The following TMEM39B variants were observed in gnomAD, a reference collection of about 807,000 sequenced individuals.
The protein encoded by TMEM39B is transmembrane protein 39B.
A neutral mutation model predicts 52.2 loss-of-function variants in TMEM39B; 23 were observed. The ratio of observed to expected loss-of-function variants is 0.44; its 90% CI spans 0.32 to 0.62. The LOEUF is 0.62. Among genes scored for constraint, TMEM39B ranks in the 20% least tolerant of loss-of-function variants. TMEM39B has a pLI of 0.06. For synonymous variants in TMEM39B, 285 were observed against 264.0 expected, an observed-to-expected ratio of 1.08 and a Z score of -0.77; for missense variants, 547 against 642.0, an observed-to-expected ratio of 0.85 and a Z score of 1.60.
intron 1 of TMEM39B, 63 bp from the exon 2 acceptor site, chr1:32,074,888 A>G: frequency 6.7e-7 from 1 of 1,495,064 alleles, no homozygotes; most frequent in Non-Finnish European, 9.0e-7. Flanking sequence ...AGCTGGTATC[A>G]TTGCTGTTAT....
At chr1:32,091,130 G>GT (rs1412967919) in intron 5 of TMEM39B, among the ~76,000 whole-genome samples, 4 of 152,116 alleles carry the variant, frequency 2.6e-5, no homozygotes, top group Non-Finnish European at 5.9e-5. Context: ...GATTTGTTGA[G>GT]TAGGTGCCTT....
At chr1:32,084,054 C>G (rs1640233772) in intron 5 of TMEM39B, among the ~76,000 whole-genome samples, 1 of 151,928 alleles carries the variant, frequency 6.6e-6, no homozygotes, top group South Asian at 2.1e-4. Context: ...TTCTTACATT[C>G]TATCAGTTAC....
At chr1:32,092,701 G>T (rs1237153748) in intron 6 of TMEM39B, among the ~76,000 whole-genome samples, 2 of 152,016 alleles carry the variant, frequency 1.3e-5, no homozygotes, top group Non-Finnish European at 2.9e-5. Context: ...ATGTTGGCCA[G>T]TCTGGTCTCA....
intron 3 of TMEM39B, 96 bp downstream of exon 3, chr1:32,075,918 A>G: frequency 1.3e-6 from 1 of 799,788 alleles, no homozygotes; most frequent in Admixed American, 2.7e-5. Flanking sequence ...AGCATATCCT[A>G]CTAAGCACCA....
chr1:32,081,158 A>G (rs1640078176), intron 5 of TMEM39B, among the ~76,000 whole-genome samples: 1 of 151,878 alleles, frequency 6.6e-6, no homozygotes, highest in South Asian at 2.1e-4. Context: ...CCACTCTTCA[A>G]TAGCAGTCTC....
chr1:32,075,867 T>C (rs937262471), intron 3 of TMEM39B, 45 bp downstream of exon 3: 51 of 1,007,600 alleles, frequency 5.1e-5, no homozygotes, highest in South Asian at 1.5e-4. Context: ...TGTGTGTGCG[T>C]GTGTGTGTAT....
chr1:32,080,491 C>T (rs1408438204), intron 5 of TMEM39B, among the ~76,000 whole-genome samples: 5 of 151,192 alleles, frequency 3.3e-5, no homozygotes, highest in Non-Finnish European at 7.4e-5. Flanking sequence ...CAGTGAAACC[C>T]CGTCTCTACT....
chr1:32,074,562 AAGAT>A (rs2124420080), intron 1 of TMEM39B, among the ~76,000 whole-genome samples: 1 of 152,348 alleles, frequency 6.6e-6, no homozygotes, highest in Non-Finnish European at 1.5e-5. Context: ...ACAAATGAGT[AAGAT>A]AATTTCAGAG....
chr1:32,094,923 G>T lies in TMEM39B; in HGVS notation c.1067G>T (p.Cys356Phe). 1 of 1,613,886 alleles carries T rather than the reference G, an allele frequency of 6.2e-7. No homozygotes were observed. ...LLHKAAAHLG[C>F]WQKVDPALCS... Reference sequence around the variant, plus strand: ...CACAAGGCCGCCGCCCATCTGGGCTGTTGGCAGAAGGTGGACCCAGCGCTG... The same window carrying T: ...CACAAGGCCGCCGCCCATCTGGGCTTTTGGCAGAAGGTGGACCCAGCGCTG... Residue 356 changes from cysteine (C) to phenylalanine (F), a missense_variant, in exon 7 of 9, where the codon TGT (cysteine) becomes TTT (phenylalanine). Cys to Phe is a radical substitution (Grantham distance 205). Transcript: ENST00000336294.
chr1:32,098,803 G>A (rs1222713313), intron 7 of TMEM39B, among the ~76,000 whole-genome samples: 1 of 152,160 alleles, frequency 6.6e-6, no homozygotes, highest in Non-Finnish European at 1.5e-5. Flanking sequence ...GCCTCTCTGT[G>A]CCAGGCCTTG....
At chr1:32,084,663 G>A (rs1324138174) in intron 5 of TMEM39B, among the ~76,000 whole-genome samples, 2 of 151,888 alleles carry the variant, frequency 1.3e-5, no homozygotes, top group Admixed American at 6.6e-5. Flanking sequence ...TCCGCCTCCC[G>A]AGTTCAAGTG....
chr1:32,084,105 C>T (rs1640235218), intron 5 of TMEM39B, among the ~76,000 whole-genome samples: 1 of 152,148 alleles, frequency 6.6e-6, no homozygotes, highest in African/African-American at 2.4e-5. Flanking sequence ...ATGTTTACAC[C>T]ATAGCTTTCT....
At chr1:32,084,121 G>A (rs542808821) in intron 5 of TMEM39B, among the ~76,000 whole-genome samples, 4 of 152,198 alleles carry the variant, frequency 2.6e-5, no homozygotes, top group Admixed American at 2.6e-4. Context: ...TTTCTTATAT[G>A]GCTTTTTATT....
rs1168172150 is a variant in TMEM39B, at chr1:32,077,084, G to C, written c.436-80G>C. ...CACCTCTCCCTGGGTGGGATCACAGGTCATGCTGGGTGGGATTTGGGCACA... is the reference window on the plus strand; with the variant it reads ...CACCTCTCCCTGGGTGGGATCACAGCTCATGCTGGGTGGGATTTGGGCACA... On this transcript the variant is annotated intron_variant, in intron 4 of 8. Transcript: ENST00000336294. The C allele has an allele frequency of 2.5e-6, 4 of 1,575,864 alleles. No individual in the cohort carries two copies. The East Asian group carries it at 9.0e-5, about 35-fold the overall frequency.
chr1:32,092,463 C>T (rs933497293), intron 6 of TMEM39B, among the ~76,000 whole-genome samples: 5 of 151,992 alleles, frequency 3.3e-5, no homozygotes, highest in Admixed American at 6.6e-5. Context: ...CAGCCTGTGT[C>T]CATTTTATTT....
At chr1:32,077,423 A>G in intron 5 of TMEM39B, 105 bp downstream of exon 5, 1 of 1,369,180 alleles carries the variant, frequency 7.3e-7, no homozygotes, top group South Asian at 1.3e-5. Flanking sequence ...GATCGGAGGC[A>G]GGCAGCAACA....
chr1:32,090,542 C>G (rs1005795757), intron 5 of TMEM39B, among the ~76,000 whole-genome samples: 3 of 152,130 alleles, frequency 2.0e-5, no homozygotes, highest in African/African-American at 7.2e-5. Flanking sequence ...CCTCAACCTC[C>G]TAGGTTCAGG....
At chr1:32,100,390 C>G (rs556550552) in intron 7 of TMEM39B, 52 bp from the exon 8 acceptor site, 4 of 1,510,944 alleles carry the variant, frequency 2.6e-6, no homozygotes, top group Non-Finnish European at 3.5e-6. Context: ...CTTCTGGTAT[C>G]CCTTTTGTGG....
chr1:32,087,679 G>C (rs1429101789), intron 5 of TMEM39B: 1 of 139,476 alleles, frequency 7.2e-6, no homozygotes, highest in East Asian at 2.2e-4. Context: ...TTTTTGAGAC[G>C]GAGTCTGTCA....
Sources: gnomAD v4.1 joint callset for allele counts (sites outside exome capture counted in the v4.1 genomes callset) on GRCh38, gnomAD v4.1.1 for gene constraint, MANE v1.5 for transcripts, NCBI Gene and HGNC (gene_info 2026-07-23, HGNC 2026-07-21) for gene names.